Variants in SEZ6L observed in about 807,000 individuals in gnomAD.
SEZ6L encodes the protein seizure 6-like protein.
A neutral mutation model predicts 106.2 loss-of-function variants in SEZ6L; 37 were observed. That is an observed-to-expected ratio of 0.35 (90% confidence interval 0.27 to 0.46). SEZ6L has a LOEUF of 0.46. Ranked by LOEUF, SEZ6L falls within the 20% of genes least tolerant of loss-of-function variation. SEZ6L has a pLI of 1.00. For missense variants in SEZ6L, 1,172 were observed against 1,332.8 expected, an observed-to-expected ratio of 0.88 and a Z score of 1.88; for synonymous variants, 541 against 570.4, an observed-to-expected ratio of 0.95 and a Z score of 0.73.
intron 1 of SEZ6L, among the ~76,000 whole-genome samples, chr22:26,258,449 C>G (rs1332643994): frequency 1.3e-5 from 2 of 152,156 alleles, no homozygotes; most frequent in African/African-American, 2.4e-5. Flanking sequence ...AGCAATTAAC[C>G]AGATGCAAAA....
chr22:26,174,037 G>T (rs1938806602), intron 1 of SEZ6L, among the ~76,000 whole-genome samples: 1 of 152,150 alleles, frequency 6.6e-6, no homozygotes, highest in African/African-American at 2.4e-5. Flanking sequence ...CTTGTTTTGG[G>T]TGCTGGAGTA....
At chr22:26,235,710 G>A (rs1231548142) in intron 1 of SEZ6L, among the ~76,000 whole-genome samples, 2 of 152,178 alleles carry the variant, frequency 1.3e-5, no homozygotes, top group Non-Finnish European at 2.9e-5. Context: ...TTAGGGGCTT[G>A]AATTAACTTG....
intron 1 of SEZ6L, among the ~76,000 whole-genome samples, chr22:26,203,522 T>C (rs1182409129): frequency 9.8e-6 from 1 of 101,624 alleles, no homozygotes; most frequent in African/African-American, 3.0e-5. Context: ...TTCATTTGGA[T>C]TTATCATTTG....
chr22:26,286,180 C>T (rs2080928122), intron 1 of SEZ6L, among the ~76,000 whole-genome samples: 1 of 152,180 alleles, frequency 6.6e-6, no homozygotes. Context: ...AAGGTAGTTA[C>T]TGTAAATAGT....
rs142109412 is a variant in SEZ6L at position 26,347,536 on chromosome 22, C to G, written c.2213-183C>G. Among the ~76,000 whole-genome samples, 838 of 152,246 alleles carry G rather than the reference C, an allele frequency of 5.5e-3. 1 individual carries two copies. Among genetic ancestry groups the G allele is most frequent in the Non-Finnish European group, 8.0e-3 (542 of 68,032 alleles). On this transcript the variant is annotated intron_variant, in intron 10 of 16. Coordinates refer to ENST00000248933, the MANE Select transcript of SEZ6L (RefSeq NM_021115.5). ...AATGTTCAGTGAGTTCAGGGGCCCA[C>G]AGAGAGAGGTAACCATAAAGCTTCA...
rs540882233 is a variant in SEZ6L, at chr22:26,380,487, A to G, written c.*192A>G. 4 of 469,292 alleles carry G rather than the reference A, an allele frequency of 8.5e-6. No individual in the cohort carries two copies. Among genetic ancestry groups the G allele is most frequent in the Non-Finnish European group, 1.5e-5 (4 of 265,102 alleles). 29.1% of individuals were successfully genotyped at this position (469,292 alleles called of 1,614,324 possible). ...AAAAGTGAAATAGGTGTGGGTTTGG[A>G]TGTTTCGCGGCCTCAGCCAAATTCA... On this transcript the variant is annotated 3_prime_UTR_variant, in exon 17 of 17. Coordinates refer to ENST00000248933, the MANE Select transcript of SEZ6L (RefSeq NM_021115.5).
Position 26,299,036 on chromosome 22 carries a change from G to C in SEZ6L, c.1215G>C (p.Thr405=). The change falls in exon 5 of 17, where the codon ACG becomes ACC. Residue 405 remains threonine (T), a synonymous_variant. Transcript: ENST00000248933. The stretch of plus-strand genomic sequence containing the variant: ...GCCGGCCTGACTCTGGGGATGTCAC[G>C]GTGATGGACCTGCACTCAGGTGGGG... ...FPRRPDSGDV[T]VMDLHSGGVA... 1 of 1,604,336 alleles carries C rather than the reference G, an allele frequency of 6.2e-7. No homozygotes were observed. The highest frequency in any genetic ancestry group is 8.5e-7 in the Non-Finnish European group (1 of 1,175,580).
intron 1 of SEZ6L, among the ~76,000 whole-genome samples, chr22:26,271,189 G>A (rs589216): frequency 0.29 from 44,821 of 152,026 alleles, 7,331 homozygotes; most frequent in Non-Finnish European, 0.37. Flanking sequence ...CAATAAAATC[G>A]TAATTATTCG....
chr22:26,183,409 C>T (rs1284176936), intron 1 of SEZ6L, among the ~76,000 whole-genome samples: 3 of 152,252 alleles, frequency 2.0e-5, no homozygotes, highest in Non-Finnish European at 4.4e-5. Flanking sequence ...TGATGACTTC[C>T]GGGCAGGGGG....
At chr22:26,265,083 T>C (rs2145826366) in intron 1 of SEZ6L, among the ~76,000 whole-genome samples, 1 of 152,274 alleles carries the variant, frequency 6.6e-6, no homozygotes, top group Non-Finnish European at 1.5e-5. Flanking sequence ...CCCCCACTCT[T>C]AATGACATTT....
intron 1 of SEZ6L, among the ~76,000 whole-genome samples, chr22:26,196,255 T>C (rs1940573570): frequency 6.6e-6 from 1 of 152,182 alleles, no homozygotes. Context: ...CCCCTTCACC[T>C]TCCACCAGTT....
At chr22:26,369,229 A>G (rs532755768) in intron 13 of SEZ6L, among the ~76,000 whole-genome samples, 1 of 151,864 alleles carries the variant, frequency 6.6e-6, no homozygotes, top group African/African-American at 2.4e-5. Flanking sequence ...ACACAGGTGA[A>G]TTGTATCATC....
intron 9 of SEZ6L, among the ~76,000 whole-genome samples, chr22:26,322,927 C>T (rs1488422484): frequency 1.3e-5 from 2 of 152,182 alleles, no homozygotes; most frequent in African/African-American, 2.4e-5. Context: ...CTCTCTCATT[C>T]ATTCTCTCTC....
intron 9 of SEZ6L, among the ~76,000 whole-genome samples, chr22:26,319,877 A>G (rs2082107670): frequency 6.6e-6 from 1 of 152,180 alleles, no homozygotes; most frequent in South Asian, 2.1e-4. Context: ...TCAGGATCAT[A>G]CAGACATGAG....
chr22:26,322,943 C>A (rs1012380245), intron 9 of SEZ6L, among the ~76,000 whole-genome samples: 2 of 152,170 alleles, frequency 1.3e-5, no homozygotes, highest in Admixed American at 6.5e-5. Context: ...CTCTCCACAC[C>A]CCTTCCCCAA....
At chr22:26,186,391 C>T (rs1306799117) in intron 1 of SEZ6L, among the ~76,000 whole-genome samples, 1 of 152,138 alleles carries the variant, frequency 6.6e-6, no homozygotes, top group Non-Finnish European at 1.5e-5. Context: ...AGGACCACCA[C>T]ATTGATGGGG....
At chr22:26,201,238 A>G (rs1280188055) in intron 1 of SEZ6L, among the ~76,000 whole-genome samples, 1 of 152,028 alleles carries the variant, frequency 6.6e-6, no homozygotes, top group Admixed American at 6.6e-5. Flanking sequence ...ATGTCTCTGG[A>G]GGCTGGGCAC....
intron 16 of SEZ6L, among the ~76,000 whole-genome samples, chr22:26,379,902 G>A (rs538228138): frequency 2.0e-4 from 31 of 152,316 alleles, no homozygotes; most frequent in African/African-American, 7.0e-4. Flanking sequence ...GTGGGACAGC[G>A]TTTTAGGCTT....
At chr22:26,294,213 C>T (rs925834146) in intron 2 of SEZ6L, 79 bp from the exon 3 acceptor site, 1 of 1,456,480 alleles carries the variant, frequency 6.9e-7, no homozygotes, top group South Asian at 1.3e-5. Flanking sequence ...CCCCTAAAGC[C>T]CCCATTCCAC....
Sources: allele counts gnomAD v4.1 joint callset (sites outside exome capture counted in the v4.1 genomes callset), GRCh38; gene constraint gnomAD v4.1.1; transcripts MANE v1.5; gene names NCBI Gene and HGNC (gene_info 2026-07-23, HGNC 2026-07-21).